Variants in HS6ST3 observed in about 807,000 individuals in gnomAD.
HS6ST3 encodes heparan-sulfate 6-O-sulfotransferase 3.
HS6ST3 carries 12 observed loss-of-function variants against 36.7 expected under a neutral mutation model. The ratio of observed to expected loss-of-function variants is 0.33; its 90% CI spans 0.21 to 0.53. HS6ST3 has a LOEUF of 0.53. Among genes scored for constraint, HS6ST3 ranks in the 20% least tolerant of loss-of-function variants. HS6ST3 has a pLI of 0.95. For missense variants in HS6ST3, 584 were observed against 640.9 expected (o/e 0.91, Z 0.96); for synonymous variants, 240 against 257.5 (o/e 0.93, Z 0.65).
intron 1 of HS6ST3, among the ~76,000 whole-genome samples, chr13:96,667,728 C>T (rs771743205): frequency 6.6e-6 from 1 of 152,138 alleles, no homozygotes; most frequent in Non-Finnish European, 1.5e-5. Context: ...ATGGTGTAAA[C>T]ATTATTGACT....
Position 96,172,295 on chromosome 13 carries a change from G to C in HS6ST3, c.707+80726G>C, listed in dbSNP as rs187342945. Among the ~76,000 whole-genome samples the C allele has an allele frequency of 1.2e-3, 189 of 152,294 alleles. 2 individuals are homozygous for C. The Middle Eastern group carries it at 0.014, about 11-fold the overall frequency. On this transcript the variant is annotated intron_variant, in intron 1 of 1. Coordinates refer to ENST00000376705, the MANE Select transcript of HS6ST3 (RefSeq NM_153456.4). ...TTTGCAAGGCAATGACATCATCAAA[G>C]GGTATATCATGCAGTCCAGTGTTGA... is the stretch of plus-strand genomic sequence containing the variant.
intron 1 of HS6ST3, among the ~76,000 whole-genome samples, chr13:96,340,611 C>A (rs2055125260): frequency 6.6e-6 from 1 of 152,216 alleles, no homozygotes; most frequent in Non-Finnish European, 1.5e-5. Context: ...CACTGAAGAA[C>A]TGGAGGGACC....
At chr13:96,270,301 T>C (rs1299702750) in intron 1 of HS6ST3, among the ~76,000 whole-genome samples, 1 of 151,892 alleles carries the variant, frequency 6.6e-6, no homozygotes, top group Non-Finnish European at 1.5e-5. Context: ...ATGCCAGGAC[T>C]GTGAGAAATA....
chr13:96,520,579 T>C (rs758920803), intron 1 of HS6ST3, among the ~76,000 whole-genome samples: 3 of 152,198 alleles, frequency 2.0e-5, no homozygotes, highest in Admixed American at 1.3e-4. Flanking sequence ...ACATCCCTTG[T>C]AAGTTGCATT....
chr13:96,135,109 G>A (rs1483492304), intron 1 of HS6ST3, among the ~76,000 whole-genome samples: 1 of 152,126 alleles, frequency 6.6e-6, no homozygotes, highest in Non-Finnish European at 1.5e-5. Flanking sequence ...GAAGGAGGCT[G>A]TATAGTGAGA....
intron 1 of HS6ST3, among the ~76,000 whole-genome samples, chr13:96,606,207 A>G (rs554667307): frequency 1.9e-4 from 29 of 152,184 alleles, no homozygotes; most frequent in Admixed American, 1.6e-3. Flanking sequence ...GGACCCAGCA[A>G]TCCCATTACT....
At chr13:96,533,980 G>A (rs776135361) in intron 1 of HS6ST3, among the ~76,000 whole-genome samples, 10 of 151,966 alleles carry the variant, frequency 6.6e-5, no homozygotes, top group Admixed American at 3.9e-4. Context: ...CATTCATTCC[G>A]CCCATCAGGC....
chr13:96,101,603 G>A (rs138785319), intron 1 of HS6ST3, among the ~76,000 whole-genome samples: 6 of 151,832 alleles, frequency 4.0e-5, no homozygotes, highest in Non-Finnish European at 8.8e-5. Context: ...CTTGAATTCT[G>A]AGAGTCAAAA....
intron 1 of HS6ST3, among the ~76,000 whole-genome samples, chr13:96,484,278 C>CTCCT (rs954752623): frequency 6.6e-5 from 10 of 151,838 alleles, no homozygotes; most frequent in African/African-American, 1.9e-4. Context: ...TCACCTTACT[C>CTCCT]TCCTTCCTTC....
rs9554353 is a variant in HS6ST3, at chr13:96,589,268, C to T, written c.708-243222C>T. On this transcript the variant is annotated intron_variant, in intron 1 of 1. Coordinates refer to ENST00000376705, the MANE Select transcript of HS6ST3 (RefSeq NM_153456.4). ...ATTTTCTATTTCTTCATAATTCAGTCTGAGTAGGTTGTAAGCATCAAGGAA... is the reference window on the plus strand; with the variant it reads ...ATTTTCTATTTCTTCATAATTCAGTTTGAGTAGGTTGTAAGCATCAAGGAA... Among the ~76,000 whole-genome samples, 199 of 151,988 alleles carry T rather than the reference C, an allele frequency of 1.3e-3. 1 individual carries two copies. The highest frequency in any genetic ancestry group is 8.5e-3 in the East Asian group (44 of 5,164).
At chr13:96,236,797 C>G (rs1182064184) in intron 1 of HS6ST3, among the ~76,000 whole-genome samples, 1 of 152,218 alleles carries the variant, frequency 6.6e-6, no homozygotes, top group South Asian at 2.1e-4. Context: ...TGAAATGGCT[C>G]TGTCCTTTCA....
chr13:96,118,673 T>G (rs2053907928), intron 1 of HS6ST3, among the ~76,000 whole-genome samples: 1 of 20,918 alleles, frequency 4.8e-5, no homozygotes, highest in East Asian at 1.6e-3. Context: ...TATATATATA[T>G]ATATATATAT....
At chr13:96,586,932 C>T (rs2056363552) in intron 1 of HS6ST3, among the ~76,000 whole-genome samples, 1 of 152,082 alleles carries the variant, frequency 6.6e-6, no homozygotes, top group Non-Finnish European at 1.5e-5. Flanking sequence ...TCATGTCTTC[C>T]AATGAAGTCT....
At chr13:96,242,122 G>A (rs568762115) in intron 1 of HS6ST3, among the ~76,000 whole-genome samples, 3 of 151,816 alleles carry the variant, frequency 2.0e-5, no homozygotes, top group Non-Finnish European at 4.4e-5. Context: ...AGTGGGGGCC[G>A]GGCGCATAAC....
chr13:96,163,451 G>T (rs1251449755), intron 1 of HS6ST3, among the ~76,000 whole-genome samples: 1 of 151,902 alleles, frequency 6.6e-6, no homozygotes, highest in East Asian at 1.9e-4. Context: ...GCATGGTCTC[G>T]ATCTCCTGAC....
At chr13:96,487,077 C>G (rs1192509640) in intron 1 of HS6ST3, among the ~76,000 whole-genome samples, 1 of 152,006 alleles carries the variant, frequency 6.6e-6, no homozygotes, top group Admixed American at 6.6e-5. Context: ...AATCAAAGAC[C>G]ATTTATATTT....
intron 1 of HS6ST3, 100 bp downstream of exon 1, chr13:96,091,669 G>A: frequency 7.0e-7 from 1 of 1,427,520 alleles, no homozygotes; most frequent in East Asian, 2.5e-5. Flanking sequence ...CCCTGCCGAT[G>A]GTTTCCTGGC....
intron 1 of HS6ST3, among the ~76,000 whole-genome samples, chr13:96,263,108 A>G (rs904221319): frequency 1.3e-5 from 2 of 152,230 alleles, no homozygotes; most frequent in African/African-American, 4.8e-5. Context: ...AATGATGAAT[A>G]TAGTTACTCT....
intron 1 of HS6ST3, among the ~76,000 whole-genome samples, chr13:96,215,222 A>C (rs533147609): frequency 8.4e-4 from 128 of 152,272 alleles, no homozygotes; most frequent in Middle Eastern, 3.4e-3. Context: ...GCATATCAGC[A>C]ATGTTCTCGA....
Sources: gnomAD v4.1 joint callset for allele counts (sites outside exome capture counted in the v4.1 genomes callset) on GRCh38, gnomAD v4.1.1 for gene constraint, MANE v1.5 for transcripts, NCBI Gene and HGNC (gene_info 2026-07-23, HGNC 2026-07-21) for gene names.